Variants in SYT6 observed in about 807,000 individuals in gnomAD.
SYT6 encodes synaptotagmin 6.
In SYT6, 24 loss-of-function variants were observed where a neutral mutation model predicts 38.4. That is an observed-to-expected ratio of 0.62 (90% confidence interval 0.45 to 0.88). SYT6 has a LOEUF of 0.88. SYT6 is among the 40% of genes least tolerant of loss of function. SYT6 has a pLI of 0.00. For synonymous variants in SYT6, 265 were observed against 241.9 expected (o/e 1.10, Z -0.89); for missense variants, 611 against 621.0 (o/e 0.98, Z 0.17).
intron 3 of SYT6, among the ~76,000 whole-genome samples, chr1:114,112,324 A>G (rs1276814750): frequency 6.6e-6 from 1 of 152,232 alleles, no homozygotes; most frequent in African/African-American, 2.4e-5. Flanking sequence ...TTGAGACTAA[A>G]GCACATCAGC....
chr1:114,101,821 G>A (rs74112921), intron 4 of SYT6, among the ~76,000 whole-genome samples: 38,870 of 152,002 alleles, frequency 0.26, 5,220 homozygotes, highest in African/African-American at 0.28. Flanking sequence ...CATTCATTCG[G>A]TATCTATTTA....
At position 114,139,597 on chromosome 1, in the gene SYT6, G is replaced by T; in HGVS notation, c.512+18C>A. 1 of 1,613,766 alleles carries T rather than the reference G, an allele frequency of 6.2e-7. No individual in the cohort carries two copies. Among genetic ancestry groups the T allele is most frequent in the Non-Finnish European group, 8.5e-7 (1 of 1,179,910 alleles). On this transcript the variant is annotated intron_variant, in intron 2 of 7. Coordinates refer to ENST00000610222, the MANE Select transcript of SYT6 (RefSeq NM_001253772.2). ...GTGGAGGTGTGGGGGTCAGGGAAGGGAGTGGTCCACTCCTCACCTGGTGGA... is the reference window on the plus strand; with the variant it reads ...GTGGAGGTGTGGGGGTCAGGGAAGGTAGTGGTCCACTCCTCACCTGGTGGA...
rs984876477 is a variant in SYT6 at position 114,122,704 on chromosome 1, C to T, written c.1071+14791G>A. On this transcript the variant is annotated intron_variant, in intron 3 of 7. Transcript: ENST00000610222. ...AATACTTTCCTAGGGAACACCCACT[C>T]CCTAAAAAGAGCTGGATGGCTGCCT... Among the ~76,000 whole-genome samples, 50 of 152,098 alleles carry T rather than the reference C, an allele frequency of 3.3e-4. 1 individual carries two copies. Among genetic ancestry groups the T allele is most frequent in the Non-Finnish European group, 6.2e-4 (42 of 68,010 alleles).
intron 4 of SYT6, among the ~76,000 whole-genome samples, chr1:114,102,511 T>A (rs886154442): frequency 2.6e-5 from 4 of 152,236 alleles, no homozygotes; most frequent in African/African-American, 9.6e-5. Context: ...TTCCAGCAAC[T>A]GATTATACCC....
At chr1:114,130,450 T>C (rs1678080598) in intron 3 of SYT6, among the ~76,000 whole-genome samples, 1 of 152,126 alleles carries the variant, frequency 6.6e-6, no homozygotes, top group Non-Finnish European at 1.5e-5. Context: ...TCCTGCTAGG[T>C]GCTCTTTGCT....
chr1:114,104,083 C>T (rs772273562), intron 3 of SYT6, among the ~76,000 whole-genome samples: 2 of 152,214 alleles, frequency 1.3e-5, no homozygotes, highest in Non-Finnish European at 2.9e-5. Flanking sequence ...TCCAGCCCAC[C>T]CTTCTCAGTC....
intron 3 of SYT6, among the ~76,000 whole-genome samples, chr1:114,104,317 A>G (rs997981120): frequency 1.3e-5 from 2 of 152,214 alleles, no homozygotes; most frequent in African/African-American, 4.8e-5. Flanking sequence ...CCTCAGGTCC[A>G]CTTTCTCTTT....
intron 3 of SYT6, among the ~76,000 whole-genome samples, chr1:114,133,949 C>T (rs1421598867): frequency 6.6e-6 from 1 of 151,706 alleles, no homozygotes; most frequent in Admixed American, 6.6e-5. Context: ...ATGTTTCAGG[C>T]TTTGGTACTT....
Position 114,153,680 on chromosome 1 carries a change from C to T in SYT6, c.93G>A (p.Gly31=). The change falls in exon 1 of 8, where the codon GGG becomes GGA. Residue 31 remains glycine, a synonymous_variant. Transcript: ENST00000610222. ...SLCRARPPPL[G]LDVETCRSFE... is the part of the protein sequence containing the mutation. Reference sequence around the variant, plus strand: ...AGCTCCGACAAGTCTCCACGTCCAGCCCGAGAGGGGGCGGCCGGGCCCGGC... The same window carrying T: ...AGCTCCGACAAGTCTCCACGTCCAGTCCGAGAGGGGGCGGCCGGGCCCGGC... 2 of 673,726 alleles carry T rather than the reference C, an allele frequency of 3.0e-6. No homozygotes were observed. 41.7% of individuals were successfully genotyped at this position (673,726 alleles called of 1,614,324 possible). A position where few individuals can be genotyped will look rare whatever the true frequency, so the allele number is the denominator to read the frequency against.
intron 3 of SYT6, among the ~76,000 whole-genome samples, chr1:114,129,628 T>TC (rs1491542201): frequency 1.2e-4 from 17 of 136,268 alleles, no homozygotes; most frequent in East Asian, 6.7e-4. Flanking sequence ...TTTCTTTCTT[T>TC]CTTTCTTTCT....
At chr1:114,117,868 C>T (rs1389703010) in intron 3 of SYT6, among the ~76,000 whole-genome samples, 2 of 152,348 alleles carry the variant, frequency 1.3e-5, no homozygotes, top group South Asian at 2.1e-4. Flanking sequence ...GATGACCTCA[C>T]CTCCTCATTA....
At chr1:114,099,042 G>C in intron 5 of SYT6, 52 bp downstream of exon 5, 1 of 1,553,190 alleles carries the variant, frequency 6.4e-7, no homozygotes. Context: ...CTGTGCTGGT[G>C]CTGGAGTGGG....
intron 3 of SYT6, among the ~76,000 whole-genome samples, chr1:114,132,747 G>A (rs1465142705): frequency 6.6e-6 from 1 of 152,200 alleles, no homozygotes; most frequent in Non-Finnish European, 1.5e-5. Flanking sequence ...AGCAGGAAGG[G>A]CACCAGAGGA....
chr1:114,099,396 A>G, intron 4 of SYT6, 131 bp from the exon 5 acceptor site: 1 of 873,372 alleles, frequency 1.1e-6, no homozygotes, highest in Non-Finnish European at 1.7e-6. Flanking sequence ...GGTTGTTAAA[A>G]TAATTAAACC....
At chr1:114,151,762 T>C (rs1237254801) in intron 1 of SYT6, among the ~76,000 whole-genome samples, 1 of 152,056 alleles carries the variant, frequency 6.6e-6, no homozygotes. Context: ...GGCTCCCTGA[T>C]AGGGAAAATT....
chr1:114,138,098 AG>A (rs774983071), intron 2 of SYT6, 45 bp from the exon 3 acceptor site: 1 of 1,553,924 alleles, frequency 6.4e-7, no homozygotes, highest in Admixed American at 1.8e-5. Flanking sequence ...GTCAGGGCTC[AG>A]GGGAAGGGGG....
chr1:114,137,418 G>T, intron 3 of SYT6, 77 bp downstream of exon 3: 2 of 1,494,014 alleles, frequency 1.3e-6, no homozygotes, highest in Non-Finnish European at 1.8e-6. Context: ...TCTCTAGGAA[G>T]TGAGGGTTTG....
At chr1:114,140,081 TG>T (rs1678775490) in intron 1 of SYT6, 118 bp from the exon 2 acceptor site, 2 of 606,592 alleles carry the variant, frequency 3.3e-6, no homozygotes, top group South Asian at 5.2e-5. Context: ...GAGAGAAGAA[TG>T]GTCATGAGAA....
At chr1:114,117,534 A>G (rs1394405208) in intron 3 of SYT6, among the ~76,000 whole-genome samples, 1 of 152,140 alleles carries the variant, frequency 6.6e-6, no homozygotes, top group Non-Finnish European at 1.5e-5. Context: ...CACATCTTCT[A>G]GCCTGGATTT....
Sources: gnomAD v4.1 joint callset for allele counts (sites outside exome capture counted in the v4.1 genomes callset) on GRCh38, gnomAD v4.1.1 for gene constraint, MANE v1.5 for transcripts, NCBI Gene and HGNC (gene_info 2026-07-23, HGNC 2026-07-21) for gene names.